The following NEK8 variants were observed in gnomAD, a reference collection of about 807,000 sequenced individuals.
NEK8 encodes the protein NIMA related kinase 8, also known as serine/threonine-protein kinase Nek8.
In NEK8, 51 loss-of-function variants were observed where a neutral mutation model predicts 77.2. The ratio of observed to expected loss-of-function variants is 0.66; its 90% CI spans 0.53 to 0.83. The LOEUF (loss-of-function observed/expected upper bound fraction) is 0.83. NEK8 is among the 40% of genes least tolerant of loss of function. NEK8 has a pLI of 0.00. For missense variants in NEK8, 787 were observed against 909.2 expected (o/e 0.87, Z 1.73); for synonymous variants, 365 against 363.2 (o/e 1.00, Z -0.06).
Position 28,737,703 on chromosome 17 carries a change from A to C in NEK8, c.856A>C (p.Thr286Pro), listed in dbSNP as rs769400967. The change falls in exon 6 of 15, where the codon ACA becomes CCA. Residue 286 changes from threonine to proline, a missense_variant. By Grantham distance (38) the Thr-to-Pro change is conservative. Around this residue, in one of 2 missense-constraint regions of NEK8, gnomAD observed 516 missense variants for 544.0 expected, o/e 0.95. Coordinates refer to ENST00000268766, the MANE Select transcript of NEK8 (RefSeq NM_178170.3). This position sits in a 1 kb window ranked among gnomAD's most constrained non-coding sequence, Gnocchi z 4.8. Reference sequence around the variant, plus strand: ...AGAGAAGTCCGTGGCCCCCAGCAACACAGGGAGCAGGACCACCAGTGTCCG... The same window carrying C: ...AGAGAAGTCCGTGGCCCCCAGCAACCCAGGGAGCAGGACCACCAGTGTCCG... Reference protein sequence around the residue: ...RAEKSVAPSNTGSRTTSVRCR... With the variant: ...RAEKSVAPSNPGSRTTSVRCR... The C allele has an allele frequency of 1.2e-6, 2 of 1,614,132 alleles. No individual in the cohort carries two copies. The highest frequency in any genetic ancestry group is 2.2e-5 in the South Asian group (2 of 91,082).
chr17:28,739,332 C>A, intron 10 of NEK8, 131 bp downstream of exon 10: 1 of 776,370 alleles, frequency 1.3e-6, no homozygotes, highest in East Asian at 2.4e-5. Flanking sequence ...ATTCATTCAA[C>A]AAACCTTTAT....
rs1486356284 is a variant in NEK8 at position 28,740,731 on chromosome 17, G to T, written c.1569-91G>T. On this transcript the variant is annotated intron_variant, in intron 11 of 14. Coordinates refer to ENST00000268766, the MANE Select transcript of NEK8 (RefSeq NM_178170.3). The surrounding 1 kb of genome is among the most constrained non-coding windows in gnomAD (Gnocchi z 4.7). ...AATTGAGGGGGTTGAGGGTGCTATT[G>T]GTTCAACCCAGGGTGGGATCTGTCT... 2.5e-6 allele frequency: 4 copies of T among 1,573,982 alleles called. No homozygotes were observed. The highest frequency in any genetic ancestry group is 1.3e-5 in the African/African-American group (1 of 74,226).
chr17:28,728,911 C>G, intron 1 of NEK8, 51 bp downstream of exon 1: 1 of 1,482,804 alleles, frequency 6.7e-7, no homozygotes, highest in South Asian at 1.2e-5. Flanking sequence ...GGAAAATAAG[C>G]CCCAATTCCG....
chr17:28,740,950 T>C lies in NEK8; in HGVS notation c.1697T>C (p.Ile566Thr), dbSNP rs535552549. 1 of 1,614,152 alleles carries C rather than the reference T, an allele frequency of 6.2e-7. No homozygotes were observed. The highest frequency in any genetic ancestry group is 2.2e-5 in the East Asian group (1 of 44,866). ...APLDQEPLLS[I>T]DLGTAHSAAV... ...CTGGACCAGGAGCCTCTGCTGAGTA[T>C]AGACCTGGGCACTGCTCACTCAGCT... Residue 566 changes from isoleucine (I) to threonine (T), a missense_variant, in exon 12 of 15, where the codon ATA becomes ACA. Around this residue, in one of 2 missense-constraint regions of NEK8, gnomAD observed 516 missense variants for 544.0 expected, o/e 0.95. Transcript: ENST00000268766. This position sits in a 1 kb window ranked among gnomAD's most constrained non-coding sequence, Gnocchi z 4.7.
Position 28,741,311 on chromosome 17 carries a change from G to T in NEK8, c.1891+75G>T. The T allele has an allele frequency of 6.3e-7, 1 of 1,597,528 alleles. No individual in the cohort carries two copies. The highest frequency in any genetic ancestry group is 1.1e-5 in the South Asian group (1 of 89,314). On this transcript the variant is annotated intron_variant, in intron 13 of 14. Transcript: ENST00000268766. The surrounding 1 kb of genome is among the most constrained non-coding windows in gnomAD (Gnocchi z 4.5). Reference sequence around the variant, plus strand: ...TGGGGGTTGCTATTCAGGGCCACTGGACTCTGGAGCCTCCCAGGGGCCATC... The same window carrying T: ...TGGGGGTTGCTATTCAGGGCCACTGTACTCTGGAGCCTCCCAGGGGCCATC...
rs745751512 is a variant in NEK8, at chr17:28,739,171, G to A, written c.1387G>A (p.Glu463Lys). 1 of 1,613,980 alleles carries A rather than the reference G, an allele frequency of 6.2e-7. No individual in the cohort carries two copies. Among genetic ancestry groups the A allele is most frequent in the Non-Finnish European group, 8.5e-7 (1 of 1,179,934 alleles). ...CGTGCTGGCCCTGTCCACTGAGCGA[G>A]AACTATTTGCCTGGGGCCGTGGAGA... ...SHVLALSTER[E>K]LFAWGRGDSG... Residue 463 changes from glutamate (E) to lysine (K), a missense_variant, in exon 10 of 15, where the codon GAA (glutamate) becomes AAA (lysine). This residue lies in a region of NEK8 where 516 missense variants were observed against 544.0 expected (regional missense o/e 0.95). Coordinates refer to ENST00000268766, the MANE Select transcript of NEK8 (RefSeq NM_178170.3).
rs368639779 is a variant in NEK8 at position 28,737,955 on chromosome 17, G to A, written c.1026G>A (p.Thr342=). Residue 342 remains threonine, a synonymous_variant, in exon 7 of 15, where the codon ACG becomes ACA. Transcript: ENST00000268766. This position sits in a 1 kb window ranked among gnomAD's most constrained non-coding sequence, Gnocchi z 4.8. ...TGGTCCAGGTGGCAGCTGGGCGCAC[G>A]CAGAAAGCCGGCGTCACGCGCTCTG... is the stretch of plus-strand genomic sequence containing the variant. The part of the protein sequence containing the change: ...TEVVQVAAGR[T]QKAGVTRSGR... 23 of 1,612,448 alleles carry A rather than the reference G, an allele frequency of 1.4e-5. No homozygotes were observed. The highest frequency in any genetic ancestry group is 1.3e-4 in the East Asian group (6 of 44,848).
chr17:28,738,009 G>A lies in NEK8; in HGVS notation c.1071+9G>A. The A allele has an allele frequency of 6.2e-7, 1 of 1,612,730 alleles. No homozygotes were observed. Among genetic ancestry groups the A allele is most frequent in the Non-Finnish European group, 8.5e-7 (1 of 1,179,608 alleles). ...GTCTCATCCTGTGGGAGGTGAGCAG[G>A]CCAGGGGGTGGCCTGGATGGGTGGA... On this transcript the variant is annotated intron_variant, in intron 7 of 14. Coordinates refer to ENST00000268766, the MANE Select transcript of NEK8 (RefSeq NM_178170.3).
chr17:28,735,461 A>G (rs978736117), intron 4 of NEK8, 90 bp downstream of exon 4: 3 of 1,429,890 alleles, frequency 2.1e-6, no homozygotes, highest in African/African-American at 2.8e-5. Flanking sequence ...TTTCTCCTCT[A>G]GCTGAGTCAT....
chr17:28,737,565 G>C lies in NEK8; in HGVS notation c.827+51G>C. The C allele has an allele frequency of 6.2e-7, 1 of 1,613,054 alleles. No homozygotes were observed. The highest frequency in any genetic ancestry group is 8.5e-7 in the Non-Finnish European group (1 of 1,179,560). Reference sequence around the variant, plus strand: ...CTGGGCGGCAGGGTGTGGGCACCCAGTGGGAGCACAGGAGGTCTGAGGCAG... The same window carrying C: ...CTGGGCGGCAGGGTGTGGGCACCCACTGGGAGCACAGGAGGTCTGAGGCAG... On this transcript the variant is annotated intron_variant, in intron 5 of 14. Coordinates refer to ENST00000268766, the MANE Select transcript of NEK8 (RefSeq NM_178170.3). The surrounding 1 kb of genome is among the most constrained non-coding windows in gnomAD (Gnocchi z 4.8).
intron 9 of NEK8, 34 bp from the exon 10 acceptor site, chr17:28,739,050 T>A (rs772893400): frequency 9.2e-6 from 14 of 1,517,226 alleles, no homozygotes; most frequent in Non-Finnish European, 1.3e-5. Context: ...CCAGACCCTT[T>A]GCCCAGTTTC....
At position 28,742,213 on chromosome 17, in the gene NEK8, T is replaced by A. The variant is rs999667079; in HGVS notation, c.*226T>A. ...CCTTCCTACCCCTTCCTCCCTTCAG[T>A]CAGTGTCCCCAGGGTCCAGCCTGGC... On this transcript the variant is annotated 3_prime_UTR_variant, in exon 15 of 15. Coordinates refer to ENST00000268766, the MANE Select transcript of NEK8 (RefSeq NM_178170.3). The A allele has an allele frequency of 4.7e-6, 3 of 644,912 alleles. No individual in the cohort carries two copies. In the African/African-American group the frequency reaches 5.4e-5, roughly 12 times the overall value. 39.9% of individuals were successfully genotyped at this position (644,912 alleles called of 1,614,324 possible).
intron 1 of NEK8, among the ~76,000 whole-genome samples, chr17:28,730,957 G>A (rs1250325055): frequency 6.6e-6 from 1 of 151,526 alleles, no homozygotes; most frequent in Non-Finnish European, 1.5e-5. Flanking sequence ...AAGAAAGAAA[G>A]GAAAGAAAGA....
chr17:28,733,448 T>A (rs1030458113), intron 1 of NEK8, among the ~76,000 whole-genome samples: 1 of 152,214 alleles, frequency 6.6e-6, no homozygotes, highest in Non-Finnish European at 1.5e-5. Context: ...TGACTGCCTA[T>A]TGTGTGCTAA....
chr17:28,736,393 A>C (rs2034365900), intron 4 of NEK8, among the ~76,000 whole-genome samples: 1 of 152,230 alleles, frequency 6.6e-6, no homozygotes, highest in Admixed American at 6.5e-5. Context: ...TCCCACCAAC[A>C]GTGTAAAAGT....
At chr17:28,736,542 T>G (rs565037675) in intron 4 of NEK8, among the ~76,000 whole-genome samples, 1 of 152,400 alleles carries the variant, frequency 6.6e-6, no homozygotes, top group African/African-American at 2.4e-5. Context: ...GAGCATTTTT[T>G]CATGTGTCTT....
intron 1 of NEK8, among the ~76,000 whole-genome samples, chr17:28,731,635 G>A (rs1038316632): frequency 1.3e-5 from 2 of 148,370 alleles, no homozygotes; most frequent in East Asian, 2.0e-4. Flanking sequence ...ACAGAGTCTC[G>A]CTCTGTCACC....
intron 8 of NEK8, 72 bp from the exon 9 acceptor site, chr17:28,738,599 T>C (rs2034390291): frequency 8.6e-6 from 12 of 1,397,480 alleles, no homozygotes; most frequent in Non-Finnish European, 1.2e-5. Flanking sequence ...TGCAACCCAC[T>C]GGAGGACCGG....
Position 28,741,231 on chromosome 17 carries a change from G to C in NEK8, c.1886G>C (p.Gly629Ala), listed in dbSNP as rs1274428801. Reference sequence around the variant, plus strand: ...GGGGATGCCTTCACTGTAGCTATTGGGGCAGGTGAGGACTGAGCATGGTGG... The same window carrying C: ...GGGGATGCCTTCACTGTAGCTATTGCGGCAGGTGAGGACTGAGCATGGTGG... ...ACGDAFTVAI[G>A]AESEVYSWGK... The change falls in exon 13 of 15, where the codon GGG becomes GCG. Residue 629 changes from glycine (G) to alanine (A), a missense_variant. Coordinates refer to ENST00000268766, the MANE Select transcript of NEK8 (RefSeq NM_178170.3). This position sits in a 1 kb window ranked among gnomAD's most constrained non-coding sequence, Gnocchi z 4.5. 2 of 1,606,816 alleles carry C rather than the reference G, an allele frequency of 1.2e-6. No homozygotes were observed. The highest frequency in any genetic ancestry group is 2.2e-5 in the East Asian group (1 of 44,802).
Sources: allele counts gnomAD v4.1 joint callset (sites outside exome capture counted in the v4.1 genomes callset), GRCh38; gene constraint gnomAD v4.1.1; regional missense constraint gnomAD v4.1.1; non-coding constraint Gnocchi (gnomAD v3.1); transcripts MANE v1.5; gene names NCBI Gene and HGNC (gene_info 2026-07-23, HGNC 2026-07-21).